Variants in ANK2 observed in about 807,000 individuals in gnomAD.
ANK2 encodes ankyrin-2.
Under a neutral mutation model 360.5 loss-of-function variants are expected in ANK2, and 83 were observed. The ratio of observed to expected loss-of-function variants is 0.23; its 90% CI spans 0.19 to 0.28. ANK2 has a LOEUF of 0.28. Among genes scored for constraint, ANK2 ranks in the 10% least tolerant of loss-of-function variants. ANK2 has a pLI of 1.00. For missense variants in ANK2, 4,201 were observed against 4,795.7 expected, an observed-to-expected ratio of 0.88 and a Z score of 3.66; for synonymous variants, 1,740 against 1,759.5, an observed-to-expected ratio of 0.99 and a Z score of 0.28.
intron 2 of ANK2, among the ~76,000 whole-genome samples, chr4:113,021,528 A>ACC (rs1203653406): frequency 3.8e-4 from 24 of 63,212 alleles, no homozygotes; most frequent in African/African-American, 1.3e-3. Context: ...ACACACACAC[A>ACC]CCCACACACA....
In ANK2 at chr4:113,178,776, G is replaced by T. The variant is rs770371366; in HGVS notation, c.186+4259G>T. ...TATCAGTCAACTGAGATGAAATATT[G>T]TGAGACAGGGATTAGTTCAAGTTTA... On this transcript the variant is annotated intron_variant, in intron 2 of 45. Coordinates refer to ENST00000357077, the MANE Select transcript of ANK2 (RefSeq NM_001148.6). Among the ~76,000 whole-genome samples the T allele has an allele frequency of 8.8e-4, 134 of 152,112 alleles. 2 individuals carry two copies. The highest frequency in any genetic ancestry group is 2.6e-4 in the Non-Finnish European group (18 of 68,002).
chr4:112,924,776 GATAC>G (rs1390749163), intron 2 of ANK2, among the ~76,000 whole-genome samples: 2 of 150,500 alleles, frequency 1.3e-5, no homozygotes, highest in Admixed American at 1.3e-4. Flanking sequence ...TTTTTATCTG[GATAC>G]ATATAATTTT....
intron 4 of ANK2, among the ~76,000 whole-genome samples, chr4:113,205,943 T>C (rs79918792): frequency 0.028 from 4,241 of 152,214 alleles, 96 homozygotes; most frequent in East Asian, 0.067. Flanking sequence ...CACACATACA[T>C]GGATGCACAC....
chr4:112,969,989 A>T (rs929310379), intron 2 of ANK2, among the ~76,000 whole-genome samples: 3 of 148,344 alleles, frequency 2.0e-5, no homozygotes, highest in African/African-American at 7.4e-5. Context: ...TAATTTTATT[A>T]TTTTTTTTTT....
chr4:113,180,997 T>C (rs2098398985), intron 2 of ANK2, among the ~76,000 whole-genome samples: 2 of 152,308 alleles, frequency 1.3e-5, no homozygotes, highest in Middle Eastern at 3.4e-3. Context: ...CAGGTTAGAA[T>C]TGAGTAACAC....
intron 2 of ANK2, among the ~76,000 whole-genome samples, chr4:113,175,016 A>G (rs149817563): frequency 9.9e-5 from 15 of 152,214 alleles, no homozygotes; most frequent in African/African-American, 3.6e-4. Flanking sequence ...TGTCCATTTC[A>G]TAAGGACTTT....
the ANK2 span, among the ~76,000 whole-genome samples, chr4:112,772,839 G>GGT: frequency 1.6e-3 from 241 of 152,188 alleles, 2 homozygotes; most frequent in African/African-American, 5.6e-3. Context: ...AAATTAATGA[G>GGT]GTGCTCCATC....
At position 113,258,106 on chromosome 4, in the gene ANK2, A is replaced by G. The variant is rs34145832; in HGVS notation, c.1245A>G (p.Glu415=). ...AGAAAAACCGCATCAAAGTCATGGA[A>G]CTGCTGGTGAAATATGGGGCTTCAA... ...ACKKNRIKVM[E]LLVKYGASIQ... The change falls in exon 12 of 46, where the codon GAA becomes GAG. Residue 415 remains glutamate, a synonymous_variant. Coordinates refer to ENST00000357077, the MANE Select transcript of ANK2 (RefSeq NM_001148.6). 1,591 of 1,614,194 alleles carry G rather than the reference A, an allele frequency of 9.9e-4. 13 individuals are homozygous for G. The African/African-American group carries it at 0.019, about 19-fold the overall frequency.
chr4:112,879,739 A>C (rs2076200869), intron 1 of ANK2, among the ~76,000 whole-genome samples: 1 of 152,230 alleles, frequency 6.6e-6, no homozygotes, highest in Admixed American at 6.5e-5. Context: ...GGGAACTCTG[A>C]AAATAAAATC....
At position 112,978,495 on chromosome 4, in the gene ANK2, A is replaced by G. The variant is rs2042130947; in HGVS notation, c.21+73981A>G. On this transcript the variant is annotated intron_variant, in intron 2 of 30. Coordinates refer to the ANK2 transcript ENST00000503271. ...TAAGGCCCAGTTTCCCGCTTTTCTTAGTCCCTGGAAACCACCATTCTCCTT... is the reference window on the plus strand; with the variant it reads ...TAAGGCCCAGTTTCCCGCTTTTCTTGGTCCCTGGAAACCACCATTCTCCTT... Among the ~76,000 whole-genome samples the G allele has an allele frequency of 2.0e-5, 3 of 152,298 alleles. No individual in the cohort carries two copies. In the South Asian group the frequency reaches 6.2e-4, roughly 32 times the overall value.
chr4:113,325,321 A>G lies in ANK2; in HGVS notation c.2901-4925A>G, dbSNP rs117809799. 1.6e-4 allele frequency among the ~76,000 whole-genome samples: 24 copies of G among 152,338 alleles called. No homozygotes were observed. In the East Asian group the frequency reaches 4.4e-3, roughly 28 times the overall value. ...TTCCAATTAAGAATTCTTTCAGAGC[A>G]TCTGAAATGAAAGGTTTAAGTAGGT... On this transcript the variant is annotated intron_variant, in intron 26 of 45. Transcript: ENST00000357077.
intron 26 of ANK2, among the ~76,000 whole-genome samples, chr4:113,321,392 A>T (rs950561823): frequency 1.3e-5 from 2 of 152,256 alleles, no homozygotes; most frequent in Non-Finnish European, 2.9e-5. Context: ...TCAATTCACA[A>T]TAGTAACGTT....
the ANK2 span, among the ~76,000 whole-genome samples, chr4:112,743,765 G>A: frequency 4.0e-5 from 6 of 151,826 alleles, no homozygotes; most frequent in Middle Eastern, 3.4e-3. Context: ...GGCTGGTCTC[G>A]AACTCCTGAC....
intron 5 of ANK2, among the ~76,000 whole-genome samples, chr4:113,236,122 C>T (rs894059078): frequency 1.3e-5 from 2 of 151,830 alleles, no homozygotes; most frequent in Non-Finnish European, 2.9e-5. Flanking sequence ...TGTTTTCCAA[C>T]TTTTGTGGAT....
chr4:113,029,525 A>G (rs1214806663), intron 2 of ANK2, among the ~76,000 whole-genome samples: 1 of 152,018 alleles, frequency 6.6e-6, no homozygotes, highest in African/African-American at 2.4e-5. Context: ...GCCACTGCGC[A>G]GCCAGATTTG....
At chr4:112,806,880 A>T in the ANK2 span, among the ~76,000 whole-genome samples, 2 of 152,164 alleles carry the variant, frequency 1.3e-5, no homozygotes, top group African/African-American at 4.8e-5. Context: ...TTTCTTCTGG[A>T]TGTATACTCA....
rs2153942631 is a variant in ANK2 at position 113,333,116 on chromosome 4, T to C, written c.3287T>C (p.Val1096Ala). ...ALRGKERELV[V>A]LRSENGDSWK... Reference sequence around the variant, plus strand: ...CGAGGAAAGGAAAGGGAACTGGTGGTCCTGCGCAGTGAGAATGGGGACAGC... The same window carrying C: ...CGAGGAAAGGAAAGGGAACTGGTGGCCCTGCGCAGTGAGAATGGGGACAGC... The change falls in exon 29 of 46, where the codon GTC (valine) becomes GCC (alanine). Residue 1096 changes from valine (V) to alanine (A), a missense_variant. Around this residue, in one of 4 missense-constraint regions of ANK2, gnomAD observed 1,268 missense variants for 1,650.8 expected, o/e 0.77. Coordinates refer to ENST00000357077, the MANE Select transcript of ANK2 (RefSeq NM_001148.6). 6.2e-7 allele frequency: 1 copy of C among 1,614,202 alleles called. No individual in the cohort carries two copies. The highest frequency in any genetic ancestry group is 8.5e-7 in the Non-Finnish European group (1 of 1,180,036).
At chr4:113,007,665 A>T (rs1361003569) in intron 2 of ANK2, among the ~76,000 whole-genome samples, 4 of 152,172 alleles carry the variant, frequency 2.6e-5, no homozygotes, top group South Asian at 2.1e-4. Flanking sequence ...TTTATTGATG[A>T]TAAGGAAATT....
At chr4:113,250,155 T>A (rs1035254008) in intron 10 of ANK2, among the ~76,000 whole-genome samples, 2 of 152,250 alleles carry the variant, frequency 1.3e-5, no homozygotes, top group African/African-American at 4.8e-5. Context: ...TGAGAATATC[T>A]CTTAGATGCT....
Sources: gnomAD v4.1 joint callset for allele counts (sites outside exome capture counted in the v4.1 genomes callset) on GRCh38, gnomAD v4.1.1 for gene constraint, gnomAD v4.1.1 regional missense constraint, MANE v1.5 for transcripts, NCBI Gene and HGNC (gene_info 2026-07-23, HGNC 2026-07-21) for gene names.